RPS6KA5: variants seen among roughly 807,000 people sequenced by gnomAD.
RPS6KA5 encodes ribosomal protein S6 kinase A5.
Under a neutral mutation model 85.5 loss-of-function variants are expected in RPS6KA5, and 27 were observed. The observed-to-expected ratio is 0.32, with a 90% confidence interval of 0.23 to 0.44. RPS6KA5 has a LOEUF of 0.44. Ranked by LOEUF, RPS6KA5 falls within the 20% of genes least tolerant of loss-of-function variation. RPS6KA5 has a pLI of 1.00. For missense variants in RPS6KA5, 811 were observed against 980.9 expected (o/e 0.83, Z 2.31); for synonymous variants, 334 against 348.2 (o/e 0.96, Z 0.46).
intron 14 of RPS6KA5, among the ~76,000 whole-genome samples, chr14:90,876,611 T>C (rs2140146810): frequency 6.6e-6 from 1 of 152,306 alleles, no homozygotes; most frequent in Non-Finnish European, 1.5e-5. Context: ...CTTGCAGAGA[T>C]GGTGGGTTGG....
Position 90,866,740 on chromosome 14 carries a change from T to C in RPS6KA5, c.*5334A>G, listed in dbSNP as rs1428282348. 1.3e-5 allele frequency: 2 copies of C among 152,192 alleles called. No homozygotes were observed. The allele number at this position is 152,192 out of a possible 1,614,324, so 9.4% of individuals were successfully genotyped here. On this transcript the variant is annotated 3_prime_UTR_variant, in exon 17 of 17. Transcript: ENST00000614987. ...CAGTCTTTAAAAATTCCTCTATGTG[T>C]ATATGTGGTTTCTTCTTCTTTTCAA...
chr14:91,019,141 G>C (rs1200948552), intron 1 of RPS6KA5, among the ~76,000 whole-genome samples: 1 of 152,124 alleles, frequency 6.6e-6, no homozygotes, highest in Non-Finnish European at 1.5e-5. Flanking sequence ...AAGGAGATGT[G>C]TAAGGGTACC....
At chr14:90,934,127 TC>T in intron 5 of RPS6KA5, among the ~76,000 whole-genome samples, 1 of 152,306 alleles carries the variant, frequency 6.6e-6, no homozygotes, top group South Asian at 2.1e-4. Flanking sequence ...ATTGTCTGCC[TC>T]CCCGTGTAAA....
At chr14:90,918,275 A>G (rs557831475) in intron 7 of RPS6KA5, among the ~76,000 whole-genome samples, 37 of 152,152 alleles carry the variant, frequency 2.4e-4, no homozygotes, top group Non-Finnish European at 3.7e-4. Context: ...GCATTTCCCT[A>G]AAGACTAAAG....
chr14:90,982,748 G>T (rs1595394324), intron 2 of RPS6KA5, among the ~76,000 whole-genome samples: 1 of 152,224 alleles, frequency 6.6e-6, no homozygotes, highest in East Asian at 1.9e-4. Context: ...GGAGGCCGGA[G>T]CGGGCGGATC....
chr14:91,007,605 T>C (rs1371481585), intron 1 of RPS6KA5, among the ~76,000 whole-genome samples: 2 of 152,194 alleles, frequency 1.3e-5, no homozygotes, highest in Non-Finnish European at 2.9e-5. Flanking sequence ...AACCATTTTT[T>C]CCATGAATTT....
intron 7 of RPS6KA5, 124 bp from the exon 8 acceptor site, chr14:90,906,423 A>AAT (rs2035508938): frequency 2.9e-6 from 2 of 680,020 alleles, no homozygotes; most frequent in Non-Finnish European, 4.7e-6. Flanking sequence ...AACATGAATC[A>AAT]ATAATACCTC....
At chr14:90,913,382 T>C (rs904880868) in intron 7 of RPS6KA5, among the ~76,000 whole-genome samples, 4 of 152,214 alleles carry the variant, frequency 2.6e-5, no homozygotes, top group Non-Finnish European at 5.9e-5. Flanking sequence ...TGCATGATAC[T>C]GCAAAGATTT....
At chr14:90,977,224 T>G (rs182487799) in intron 3 of RPS6KA5, among the ~76,000 whole-genome samples, 1 of 152,342 alleles carries the variant, frequency 6.6e-6, no homozygotes, top group Non-Finnish European at 1.5e-5. Context: ...TCTAGCTCAT[T>G]TAATCCTTAC....
At chr14:90,914,574 C>A (rs2036011983) in intron 7 of RPS6KA5, among the ~76,000 whole-genome samples, 1 of 152,050 alleles carries the variant, frequency 6.6e-6, no homozygotes, top group Non-Finnish European at 1.5e-5. Flanking sequence ...CTTGGCCTCC[C>A]CAAGTGCTAG....
At chr14:91,001,968 A>G (rs1045490830) in intron 1 of RPS6KA5, among the ~76,000 whole-genome samples, 3 of 152,204 alleles carry the variant, frequency 2.0e-5, no homozygotes, top group Non-Finnish European at 4.4e-5. Flanking sequence ...CAGATCCTGT[A>G]TTATGAAAAT....
chr14:90,870,846 T>C lies in RPS6KA5; in HGVS notation c.*1228A>G, dbSNP rs2033061464. 1 of 143,026 alleles carries C rather than the reference T, an allele frequency of 7.0e-6. No individual in the cohort carries two copies. Among genetic ancestry groups the C allele is most frequent in the African/African-American group, 2.6e-5 (1 of 38,240 alleles). The allele number at this position is 143,026 out of a possible 1,614,324, so 8.9% of individuals were successfully genotyped here. A position where few individuals can be genotyped will look rare whatever the true frequency, so the allele number is the denominator to read the frequency against. On this transcript the variant is annotated 3_prime_UTR_variant, in exon 17 of 17. Transcript: ENST00000614987. ...TTTTTTTGCATAGGGAACGAATTAA[T>C]TGTATTTTTAAATGCAGCAATCTTT... is the stretch of plus-strand genomic sequence containing the variant.
At chr14:91,015,383 A>C (rs1832986763) in intron 1 of RPS6KA5, among the ~76,000 whole-genome samples, 2 of 152,242 alleles carry the variant, frequency 1.3e-5, no homozygotes, top group Admixed American at 1.3e-4. Flanking sequence ...GATTAAAAAA[A>C]AAATTAAACC....
chr14:90,937,186 C>A (rs1431747621), intron 5 of RPS6KA5, among the ~76,000 whole-genome samples: 1 of 152,080 alleles, frequency 6.6e-6, no homozygotes, highest in Non-Finnish European at 1.5e-5. Context: ...AAGTTCAGTA[C>A]TACCAGGCAG....
chr14:90,913,713 A>G (rs1387080850), intron 7 of RPS6KA5, among the ~76,000 whole-genome samples: 1 of 152,146 alleles, frequency 6.6e-6, no homozygotes, highest in East Asian at 1.9e-4. Context: ...TACTTCTCCA[A>G]TCATTCCATG....
rs948657810 is a variant in RPS6KA5, at chr14:90,857,291, C to T, written c.*14783G>A. 7.2e-5 allele frequency: 11 copies of T among 152,176 alleles called. No homozygotes were observed. The highest frequency in any genetic ancestry group is 2.7e-4 in the African/African-American group (11 of 41,428). 9.4% of individuals were successfully genotyped at this position (152,176 alleles called of 1,614,324 possible). On this transcript the variant is annotated 3_prime_UTR_variant, in exon 17 of 17. Transcript: ENST00000614987. Reference sequence around the variant, plus strand: ...AGATTATATTTTTATCTTGGTAACACTGAAATTTATGCTATTCTGGAAGAC... The same window carrying T: ...AGATTATATTTTTATCTTGGTAACATTGAAATTTATGCTATTCTGGAAGAC...
In RPS6KA5 at chr14:90,926,710, G is replaced by A. The variant is rs890330670; in HGVS notation, c.619-3514C>T. Among the ~76,000 whole-genome samples the A allele has an allele frequency of 2.7e-5, 4 of 146,544 alleles. No homozygotes were observed. In the East Asian group the frequency reaches 8.0e-4, roughly 29 times the overall value. On this transcript the variant is annotated intron_variant, in intron 5 of 16. Coordinates refer to ENST00000614987, the MANE Select transcript of RPS6KA5 (RefSeq NM_004755.4). The stretch of plus-strand genomic sequence containing the variant: ...GTGTGTGTGTGTACATATCTCACAG[G>A]TCCATTCCTAGATCTATTTATACCC...
intron 3 of RPS6KA5, among the ~76,000 whole-genome samples, chr14:90,955,746 T>C (rs920836094): frequency 2.0e-5 from 3 of 152,224 alleles, no homozygotes; most frequent in African/African-American, 7.2e-5. Flanking sequence ...CTATTATGCC[T>C]AGGTGGTTTA....
At chr14:90,988,291 C>A (rs2040146222) in intron 2 of RPS6KA5, among the ~76,000 whole-genome samples, 1 of 152,208 alleles carries the variant, frequency 6.6e-6, no homozygotes, top group Non-Finnish European at 1.5e-5. Context: ...AAGCTGAAAG[C>A]TTGGTAATGT....
Sources: allele counts gnomAD v4.1 joint callset (sites outside exome capture counted in the v4.1 genomes callset), GRCh38; gene constraint gnomAD v4.1.1; transcripts MANE v1.5; gene names NCBI Gene and HGNC (gene_info 2026-07-23, HGNC 2026-07-21).